Variants in ZPBP observed in about 807,000 individuals in gnomAD.
ZPBP encodes zona pellucida-binding protein 1.
ZPBP carries 26 observed loss-of-function variants against 44.8 expected under a neutral mutation model. That is an observed-to-expected ratio of 0.58 (90% CI 0.43 to 0.81). The LOEUF (loss-of-function observed/expected upper bound fraction) is 0.81. Among genes scored for constraint, ZPBP ranks in the 30% least tolerant of loss-of-function variants. The pLI, the probability that ZPBP is intolerant of heterozygous loss-of-function variation, is 0.00. For missense variants in ZPBP, 409 were observed against 434.0 expected, an observed-to-expected ratio of 0.94 and a Z score of 0.51; for synonymous variants, 174 against 153.2, an observed-to-expected ratio of 1.14 and a Z score of -1.00.
chr7:49,929,520 G>A (rs1382808868), intron 1 of ZPBP, among the ~76,000 whole-genome samples: 2 of 152,134 alleles, frequency 1.3e-5, no homozygotes, highest in African/African-American at 4.8e-5. Flanking sequence ...ATAGAACCAG[G>A]GACCAACCAA....
intron 1 of ZPBP, among the ~76,000 whole-genome samples, chr7:49,908,630 GTATAC>G (rs1793234546): frequency 6.6e-6 from 1 of 151,894 alleles, no homozygotes; most frequent in Non-Finnish European, 1.5e-5. Context: ...ACCCCAGTCA[GTATAC>G]TACACGTGAT....
intron 3 of ZPBP, among the ~76,000 whole-genome samples, chr7:50,062,058 C>CACAAACCCA (rs1801267633): frequency 6.6e-6 from 1 of 152,110 alleles, no homozygotes. Context: ...AAATCAAGAA[C>CACAAACCCA]ACAATCCCAT....
At chr7:49,862,812 A>G (rs914839261) in intron 2 of ZPBP, among the ~76,000 whole-genome samples, 5 of 152,176 alleles carry the variant, frequency 3.3e-5, no homozygotes, top group African/African-American at 7.2e-5. Context: ...CATTCAAGGA[A>G]TAAATCCCAT....
At chr7:49,884,467 G>A (rs562449593) in intron 2 of ZPBP, among the ~76,000 whole-genome samples, 1 of 152,242 alleles carries the variant, frequency 6.6e-6, no homozygotes, top group South Asian at 2.1e-4. Flanking sequence ...AATTCGGGGT[G>A]GGGTAAGAAA....
rs547344854 is a variant in ZPBP, at chr7:49,948,880, G to T, written c.962-11258C>A. ...CCCATTTCTGGGTATATGCTCAAAA[G>T]AATTGAAAGAAGTGTCTCAAAGAGA... is the stretch of plus-strand genomic sequence containing the variant. On this transcript the variant is annotated intron_variant, in intron 7 of 7. Transcript: ENST00000046087. Among the ~76,000 whole-genome samples the T allele has an allele frequency of 5.9e-5, 9 of 152,260 alleles. No individual in the cohort carries two copies. In the South Asian group the frequency reaches 1.9e-3, roughly 32 times the overall value.
chr7:49,853,397 G>T (rs1790277351), intron 2 of ZPBP, among the ~76,000 whole-genome samples: 1 of 152,226 alleles, frequency 6.6e-6, no homozygotes, highest in Non-Finnish European at 1.5e-5. Context: ...AGGAGATGCT[G>T]GCAGCCAGCC....
chr7:50,062,247 A>G (rs1004060202), intron 3 of ZPBP, among the ~76,000 whole-genome samples: 14 of 152,144 alleles, frequency 9.2e-5, no homozygotes, highest in African/African-American at 3.4e-4. Context: ...TAACCATACT[A>G]CCCAAAACAA....
intron 7 of ZPBP, among the ~76,000 whole-genome samples, chr7:49,963,640 G>C (rs890216508): frequency 1.3e-5 from 2 of 151,726 alleles, no homozygotes; most frequent in African/African-American, 2.4e-5. Flanking sequence ...TTTGATACTT[G>C]TCATAACTCA....
intron 5 of ZPBP, among the ~76,000 whole-genome samples, chr7:50,026,082 G>T (rs1291792640): frequency 2.0e-5 from 3 of 151,736 alleles, no homozygotes; most frequent in Non-Finnish European, 4.4e-5. Flanking sequence ...TGGACAAATT[G>T]CTGGAAACAC....
At chr7:49,968,143 T>G (rs1796138235) in intron 7 of ZPBP, among the ~76,000 whole-genome samples, 1 of 152,038 alleles carries the variant, frequency 6.6e-6, no homozygotes, top group African/African-American at 2.4e-5. Context: ...ATAACACATT[T>G]CTATATAATT....
chr7:49,906,878 T>G (rs1446903063), intron 1 of ZPBP, among the ~76,000 whole-genome samples: 1 of 152,204 alleles, frequency 6.6e-6, no homozygotes, highest in Non-Finnish European at 1.5e-5. Flanking sequence ...AATACAGGCT[T>G]TACTAATCAA....
chr7:49,972,370 A>G (rs942798173), intron 7 of ZPBP, among the ~76,000 whole-genome samples: 3 of 152,064 alleles, frequency 2.0e-5, no homozygotes, highest in Non-Finnish European at 2.9e-5. Context: ...AATCTTTTAT[A>G]TCTAATACAT....
chr7:50,019,554 T>C (rs1299961208), intron 5 of ZPBP, among the ~76,000 whole-genome samples: 2 of 152,146 alleles, frequency 1.3e-5, no homozygotes, highest in African/African-American at 4.8e-5. Flanking sequence ...TTACCTAGTA[T>C]GTCATGTAAA....
chr7:50,088,610 A>G (rs996830044), intron 2 of ZPBP, among the ~76,000 whole-genome samples: 1 of 152,046 alleles, frequency 6.6e-6, no homozygotes, highest in African/African-American at 2.4e-5. Context: ...GGACTTGAAT[A>G]GGCATTTCTA....
At chr7:50,085,863 T>C (rs528595611) in intron 2 of ZPBP, among the ~76,000 whole-genome samples, 26 of 152,230 alleles carry the variant, frequency 1.7e-4, no homozygotes, top group South Asian at 8.3e-4. Flanking sequence ...GCAGGACACA[T>C]GCATGCAAAA....
intron 7 of ZPBP, among the ~76,000 whole-genome samples, chr7:49,940,059 G>C (rs770984267): frequency 2.0e-5 from 3 of 152,090 alleles, no homozygotes; most frequent in Non-Finnish European, 4.4e-5. Flanking sequence ...AACAGGAACC[G>C]AACAAGTTTG....
At chr7:49,864,557 T>C (rs575968227) in intron 2 of ZPBP, among the ~76,000 whole-genome samples, 1 of 152,292 alleles carries the variant, frequency 6.6e-6, no homozygotes, top group Admixed American at 6.5e-5. Flanking sequence ...TCTCAACAGT[T>C]GTCTTTTGGC....
At chr7:49,877,476 A>AT (rs2128725589) in intron 2 of ZPBP, among the ~76,000 whole-genome samples, 1 of 43,892 alleles carries the variant, frequency 2.3e-5, no homozygotes, top group African/African-American at 1.1e-4. Context: ...AAAAAAAAAA[A>AT]AAAAAATATA....
chr7:49,908,207 T>C (rs571339877), intron 1 of ZPBP, among the ~76,000 whole-genome samples: 1 of 152,362 alleles, frequency 6.6e-6, no homozygotes, highest in South Asian at 2.1e-4. Context: ...TCTATTTTAA[T>C]GGTAAAGCTG....
Sources: allele counts gnomAD v4.1 joint callset (sites outside exome capture counted in the v4.1 genomes callset), GRCh38; gene constraint gnomAD v4.1.1; transcripts MANE v1.5; gene names NCBI Gene and HGNC (gene_info 2026-07-23, HGNC 2026-07-21).